TBC1D9: variants seen among roughly 807,000 people sequenced by gnomAD.
TBC1D9 encodes TBC1 domain family member 9.
A neutral mutation model predicts 132.0 loss-of-function variants in TBC1D9; 63 were observed. That is an observed-to-expected ratio of 0.48 (90% CI 0.39 to 0.59). TBC1D9 has a LOEUF of 0.59. Among genes scored for constraint, TBC1D9 ranks in the 20% least tolerant of loss-of-function variants. The probability of loss-of-function intolerance (pLI) is 0.00; values close to 1 mark genes in which losing one functional copy is unlikely to be tolerated. For missense variants in TBC1D9, 1,261 were observed against 1,592.7 expected (o/e 0.79, Z 3.54); for synonymous variants, 610 against 609.9 (o/e 1.00, Z 0.00).
At chr4:140,742,324 G>C (rs900050213) in intron 1 of TBC1D9, among the ~76,000 whole-genome samples, 1 of 152,022 alleles carries the variant, frequency 6.6e-6, no homozygotes, top group African/African-American at 2.4e-5. Flanking sequence ...ATGAGGTCAG[G>C]AGTTTGAGAC....
rs571283207 is a variant in TBC1D9, at chr4:140,745,282, TAC to T, written c.130+10632_130+10633del. Among the ~76,000 whole-genome samples the T allele has an allele frequency of 2.6e-5, 4 of 152,356 alleles. No homozygotes were observed. In the East Asian group the frequency reaches 7.7e-4, roughly 29 times the overall value. On this transcript the variant is annotated intron_variant, in intron 1 of 20. Coordinates refer to ENST00000442267, the MANE Select transcript of TBC1D9 (RefSeq NM_015130.3). ...TCAGAATAGACTTCTTTAAATATTT[TAC>T]AGAGTTTGATTCTTTTCATTGACAC... is the stretch of plus-strand genomic sequence containing the variant.
At position 140,669,824 on chromosome 4, in the gene TBC1D9, C is replaced by T. The variant is rs554035643; in HGVS notation, c.1267-20G>A. 10 of 1,598,490 alleles carry T rather than the reference C, an allele frequency of 6.3e-6. No homozygotes were observed. The highest frequency in any genetic ancestry group is 3.3e-5 in the South Asian group (3 of 90,610). ...GTACACCTGTCAATACAGAGAGGAACAAGACATTGGGAGGACACGGGCAAT... is the reference window on the plus strand; with the variant it reads ...GTACACCTGTCAATACAGAGAGGAATAAGACATTGGGAGGACACGGGCAAT... On this transcript the variant is annotated intron_variant, in intron 7 of 20. Coordinates refer to ENST00000442267, the MANE Select transcript of TBC1D9 (RefSeq NM_015130.3).
chr4:140,742,801 T>C (rs1738780101), intron 1 of TBC1D9, among the ~76,000 whole-genome samples: 1 of 151,914 alleles, frequency 6.6e-6, no homozygotes, highest in Non-Finnish European at 1.5e-5. Context: ...CAGTTTGCCA[T>C]TCTCAGAGAG....
At chr4:140,678,823 C>T in intron 5 of TBC1D9, 119 bp downstream of exon 5, 1 of 1,253,328 alleles carries the variant, frequency 8.0e-7, no homozygotes, top group Non-Finnish European at 1.1e-6. Context: ...AGTTTTGTAT[C>T]TATACACAGA....
chr4:140,726,770 C>T (rs933080956), intron 1 of TBC1D9, among the ~76,000 whole-genome samples: 1 of 152,204 alleles, frequency 6.6e-6, no homozygotes, highest in Non-Finnish European at 1.5e-5. Flanking sequence ...CCAAGTTCTC[C>T]TGAATTCAGC....
At chr4:140,656,033 A>T (rs1262595696) in intron 13 of TBC1D9, among the ~76,000 whole-genome samples, 1 of 152,112 alleles carries the variant, frequency 6.6e-6, no homozygotes, top group Non-Finnish European at 1.5e-5. Flanking sequence ...TTGTCTTGCC[A>T]TGTGCTACTA....
rs540077179 is a variant in TBC1D9 at position 140,692,480 on chromosome 4, A to G, written c.242-6018T>C. On this transcript the variant is annotated intron_variant, in intron 2 of 20. Coordinates refer to ENST00000442267, the MANE Select transcript of TBC1D9 (RefSeq NM_015130.3). Reference sequence around the variant, plus strand: ...GGAGCAACCTTTAATCTGTCCCTGTATTTACCAAGCCACCCTTGTACTTTC... The same window carrying G: ...GGAGCAACCTTTAATCTGTCCCTGTGTTTACCAAGCCACCCTTGTACTTTC... Among the ~76,000 whole-genome samples, 22 of 152,322 alleles carry G rather than the reference A, an allele frequency of 1.4e-4. No homozygotes were observed. The South Asian group carries it at 3.9e-3, about 27-fold the overall frequency.
At chr4:140,661,765 T>A in intron 10 of TBC1D9, 128 bp downstream of exon 10, 2 of 748,142 alleles carry the variant, frequency 2.7e-6, no homozygotes, top group South Asian at 3.5e-5. Context: ...GTGTCAACAG[T>A]GCCAAGGTTG....
chr4:140,654,836 A>T lies in TBC1D9; in HGVS notation c.2337+2261T>A, dbSNP rs80011114. ...TTTTTAATCTAATTTTTTTAATCCA[A>T]ACTTTTAATGTAAATTCATTTCTAG... On this transcript the variant is annotated intron_variant, in intron 13 of 20. Transcript: ENST00000442267. 9.3e-4 allele frequency among the ~76,000 whole-genome samples: 142 copies of T among 152,234 alleles called. 2 individuals carry two copies. In the East Asian group the frequency reaches 0.026, roughly 28 times the overall value.
chr4:140,734,303 T>C (rs1560899851), intron 1 of TBC1D9, among the ~76,000 whole-genome samples: 3 of 152,080 alleles, frequency 2.0e-5, no homozygotes, highest in African/African-American at 7.2e-5. Context: ...GAATTTTTCA[T>C]ATTTGTTGTA....
intron 13 of TBC1D9, among the ~76,000 whole-genome samples, chr4:140,651,359 A>C (rs900118817): frequency 2.0e-5 from 3 of 152,164 alleles, no homozygotes; most frequent in Non-Finnish European, 4.4e-5. Flanking sequence ...GCTACTCAGG[A>C]GGCTGAGCTG....
At chr4:140,641,254 AC>A (rs1736989448) in intron 13 of TBC1D9, among the ~76,000 whole-genome samples, 1 of 152,202 alleles carries the variant, frequency 6.6e-6, no homozygotes, top group Non-Finnish European at 1.5e-5. Context: ...CACAAGGGGC[AC>A]TTCCAGGTTG....
At position 140,706,745 on chromosome 4, in the gene TBC1D9, T is replaced by C. The variant is rs527900176; in HGVS notation, c.131-5131A>G. ...TAAAACTGATGAGTATTTTACAAAT[T>C]TGTCTGCAAGGTACACTGCAGCTTA... On this transcript the variant is annotated intron_variant, in intron 1 of 20. Transcript: ENST00000442267. This position sits in a 1 kb window ranked among gnomAD's most constrained non-coding sequence, Gnocchi z 4.0. 6.6e-6 allele frequency among the ~76,000 whole-genome samples: 1 copy of C among 152,342 alleles called. No individual in the cohort carries two copies. The highest frequency in any genetic ancestry group is 2.1e-4 in the South Asian group (1 of 4,832).
At chr4:140,676,320 C>A (rs1016478208) in intron 6 of TBC1D9, among the ~76,000 whole-genome samples, 1 of 152,234 alleles carries the variant, frequency 6.6e-6, no homozygotes, top group East Asian at 1.9e-4. Flanking sequence ...TAGCACTCAT[C>A]CCCTGATTGC....
intron 1 of TBC1D9, among the ~76,000 whole-genome samples, chr4:140,731,150 T>C (rs544111454): frequency 4.9e-4 from 75 of 152,282 alleles, no homozygotes; most frequent in African/African-American, 1.6e-3. Context: ...TGTGTTTACA[T>C]ACCACCAACT....
At chr4:140,694,304 C>CTCA (rs1737918892) in intron 2 of TBC1D9, among the ~76,000 whole-genome samples, 1 of 152,176 alleles carries the variant, frequency 6.6e-6, no homozygotes. Context: ...GGCGCAGTGG[C>CTCA]TCATGCCTGT....
intron 1 of TBC1D9, among the ~76,000 whole-genome samples, chr4:140,747,226 C>A (rs1478545244): frequency 2.0e-5 from 3 of 151,922 alleles, no homozygotes; most frequent in Non-Finnish European, 2.9e-5. Flanking sequence ...GTGGCATGCA[C>A]CTGTAGTCCT....
intron 1 of TBC1D9, among the ~76,000 whole-genome samples, chr4:140,704,328 G>A (rs937833636): frequency 2.0e-5 from 3 of 151,758 alleles, no homozygotes; most frequent in African/African-American, 2.4e-5. Context: ...TTAAACCTGG[G>A]AGGCGCAGGT....
At chr4:140,656,960 C>T in intron 13 of TBC1D9, 137 bp downstream of exon 13, 2 of 1,135,020 alleles carry the variant, frequency 1.8e-6, no homozygotes, top group Non-Finnish European at 2.4e-6. Flanking sequence ...TTTGGGGCGT[C>T]CCAAAGTCTA....
Sources: gnomAD v4.1 joint callset for allele counts (sites outside exome capture counted in the v4.1 genomes callset) on GRCh38, gnomAD v4.1.1 for gene constraint, Gnocchi (gnomAD v3.1) non-coding constraint, MANE v1.5 for transcripts, NCBI Gene and HGNC (gene_info 2026-07-23, HGNC 2026-07-21) for gene names.